Variants in ZNF469 observed in about 807,000 individuals in gnomAD.
ZNF469 encodes the protein zinc finger protein 469.
In ZNF469, 1 loss-of-function variant was observed where a neutral mutation model predicts 1.0. The observed-to-expected ratio is 1.00, with a 90% CI of 0.35 to 4.73. The LOEUF is 4.73. Among genes scored for constraint, ZNF469 ranks in the 30% most tolerant of loss-of-function variants. The probability of loss-of-function intolerance (pLI) is 0.16; values close to 1 mark genes in which losing one functional copy is unlikely to be tolerated. For synonymous variants in ZNF469, 2,703 were observed against 2,363.4 expected (o/e 1.14, Z -4.17); for missense variants, 6,100 against 5,356.3 (o/e 1.14, Z -4.33).
At chr16:88,315,369 AC>A in the ZNF469 span, among the ~76,000 whole-genome samples, 1 of 152,206 alleles carries the variant, frequency 6.6e-6, no homozygotes, top group Non-Finnish European at 1.5e-5. Context: ...ATGCACACAG[AC>A]CCAGGAAGTG....
At chr16:88,125,764 ATT>A in the ZNF469 span, among the ~76,000 whole-genome samples, 2,562 of 152,246 alleles carry the variant, frequency 0.017, 77 homozygotes, top group African/African-American at 0.059. Flanking sequence ...ATGATATTTT[ATT>A]TTTTTGCAAA....
chr16:88,351,043 G>T, the ZNF469 span, among the ~76,000 whole-genome samples: 1 of 152,254 alleles, frequency 6.6e-6, no homozygotes, highest in African/African-American at 2.4e-5. Context: ...CGCTCCCCCG[G>T]CGTGGCCATG....
At chr16:88,228,529 C>T in the ZNF469 span, among the ~76,000 whole-genome samples, 6 of 152,234 alleles carry the variant, frequency 3.9e-5, no homozygotes, top group African/African-American at 9.6e-5. Context: ...AAAGCAGAGA[C>T]GCACCCCTGG....
chr16:88,439,088 C>T lies in ZNF469; in HGVS notation c.11618C>T (p.Pro3873Leu). Residue 3873 changes from proline (P) to leucine (L), a missense_variant, in exon 3 of 3, where the codon CCA (proline) becomes CTA (leucine). Transcript: ENST00000565624. ...KPNSQNKPRP[P>L]PSEQRKAEPG... ...AACAGCCAGAACAAACCCAGGCCGC[C>T]ACCATCAGAGCAGCGGAAGGCAGAG... 1 of 1,550,960 alleles carries T rather than the reference C, an allele frequency of 6.4e-7. No homozygotes were observed.
At chr16:88,345,127 G>A in the ZNF469 span, among the ~76,000 whole-genome samples, 1 of 152,196 alleles carries the variant, frequency 6.6e-6, no homozygotes, top group Non-Finnish European at 1.5e-5. Context: ...CGAGGTCATA[G>A]GGCATGTTGC....
At chr16:88,110,796 T>C in the ZNF469 span, among the ~76,000 whole-genome samples, 1 of 152,236 alleles carries the variant, frequency 6.6e-6, no homozygotes. Context: ...TTGTGGGCTC[T>C]AACAAATGGA....
At chr16:88,210,699 C>T in the ZNF469 span, among the ~76,000 whole-genome samples, 5 of 152,240 alleles carry the variant, frequency 3.3e-5, no homozygotes, top group South Asian at 2.1e-4. Flanking sequence ...GTCCTAGAGA[C>T]GTGAACGTCA....
the ZNF469 span, among the ~76,000 whole-genome samples, chr16:88,364,573 A>G: frequency 6.6e-6 from 1 of 151,936 alleles, no homozygotes; most frequent in African/African-American, 2.4e-5. Flanking sequence ...GAGAAGAATC[A>G]ACGTCTTTCC....
At chr16:88,134,470 T>A in the ZNF469 span, among the ~76,000 whole-genome samples, 12 of 152,230 alleles carry the variant, frequency 7.9e-5, no homozygotes, top group Non-Finnish European at 1.6e-4. Flanking sequence ...TCATTCCGTG[T>A]GGTTACTTTC....
chr16:88,278,763 C>T, the ZNF469 span, among the ~76,000 whole-genome samples: 2 of 137,120 alleles, frequency 1.5e-5, no homozygotes, highest in Non-Finnish European at 3.3e-5. Context: ...CTGCGCCACG[C>T]CGACACTTGG....
chr16:88,390,413 C>T (rs999690039), intron 1 of ZNF469, among the ~76,000 whole-genome samples: 4 of 152,130 alleles, frequency 2.6e-5, no homozygotes, highest in African/African-American at 7.2e-5. Flanking sequence ...GGCCAGACTG[C>T]GTAACCCCAC....
chr16:88,427,449 C>T lies in ZNF469; in HGVS notation c.-22C>T. The T allele has an allele frequency of 1.4e-6, 2 of 1,473,804 alleles. No individual in the cohort carries two copies. The highest frequency in any genetic ancestry group is 1.8e-6 in the Non-Finnish European group (2 of 1,114,384). 91.3% of individuals were successfully genotyped at this position (1,473,804 alleles called of 1,614,324 possible). ...GCCCCCCTCGGACAGCTGCGTCGTC[C>T]TAGCGCCAGGACGGAGGGGCCATGC... On this transcript the variant is annotated 5_prime_UTR_variant, in exon 3 of 3. Transcript: ENST00000565624.
intron 1 of ZNF469, among the ~76,000 whole-genome samples, chr16:88,391,907 A>G (rs992049107): frequency 6.6e-6 from 1 of 152,244 alleles, no homozygotes; most frequent in Admixed American, 6.5e-5. Flanking sequence ...TATGATATAC[A>G]ACATAATGTA....
At position 88,430,335 on chromosome 16, in the gene ZNF469, G is replaced by C; in HGVS notation, c.2865G>C (p.Arg955=). The C allele has an allele frequency of 6.6e-7, 1 of 1,514,878 alleles. No homozygotes were observed. Among genetic ancestry groups the C allele is most frequent in the Non-Finnish European group, 8.8e-7 (1 of 1,135,622 alleles). The allele number at this position is 1,514,878 out of a possible 1,614,324, so 93.8% of individuals were successfully genotyped here. ...GGGGGAAGCAGTTGAAGCTGTTCCG[G>C]AAGGATCTGGACTCGGGCGGCGCAG... ...QRRGKQLKLF[R]KDLDSGGAAE... The change falls in exon 3 of 3, where the codon CGG becomes CGC. Residue 955 remains arginine, a synonymous_variant. Coordinates refer to ENST00000565624, the MANE Select transcript of ZNF469 (RefSeq NM_001367624.2).
chr16:88,327,555 G>C, the ZNF469 span, among the ~76,000 whole-genome samples: 10 of 148,998 alleles, frequency 6.7e-5, no homozygotes, highest in Non-Finnish European at 8.9e-5. Context: ...GTTGGGGTTG[G>C]GGGGGGGTCT....
chr16:88,255,374 G>C, the ZNF469 span, among the ~76,000 whole-genome samples: 1 of 152,182 alleles, frequency 6.6e-6, no homozygotes. Context: ...CTTTCCCTGT[G>C]TTATCTCATA....
At chr16:88,251,459 T>A in the ZNF469 span, among the ~76,000 whole-genome samples, 28 of 151,912 alleles carry the variant, frequency 1.8e-4, no homozygotes, top group South Asian at 8.4e-4. Flanking sequence ...TTGCTTTTTT[T>A]GTTCTAACAG....
chr16:88,431,209 TCTC>T lies in ZNF469; in HGVS notation c.3744_3746del (p.Pro1249del), dbSNP rs1906153243. On this transcript the variant is annotated inframe_deletion, in exon 3 of 3. Transcript: ENST00000565624. ...CACAGAATTCACAGAGGCTTTGCGT[TCTC>T]CTCCAGCCGCCTGTGCGGGAGAAAT... 3.9e-6 allele frequency: 6 copies of T among 1,550,148 alleles called. No homozygotes were observed. Among genetic ancestry groups the T allele is most frequent in the African/African-American group, 1.4e-5 (1 of 73,028 alleles).
chr16:88,122,122 T>A, the ZNF469 span, among the ~76,000 whole-genome samples: 1 of 142,692 alleles, frequency 7.0e-6, no homozygotes, highest in Admixed American at 7.1e-5. Context: ...TCACTCACTG[T>A]GGCCACAGTG....
Sources: gnomAD v4.1 joint callset for allele counts (sites outside exome capture counted in the v4.1 genomes callset) on GRCh38, gnomAD v4.1.1 for gene constraint, MANE v1.5 for transcripts, NCBI Gene and HGNC (gene_info 2026-07-23, HGNC 2026-07-21) for gene names.